Variants in ZFPM2 observed in about 807,000 individuals in gnomAD.
The protein encoded by ZFPM2 is zinc finger protein ZFPM2.
In ZFPM2, 20 loss-of-function variants were observed where a neutral mutation model predicts 98.6. The ratio of observed to expected loss-of-function variants is 0.20; its 90% CI spans 0.14 to 0.29. The LOEUF (loss-of-function observed/expected upper bound fraction) is 0.29, where lower values mean the gene tolerates loss of function less well. ZFPM2 is among the 10% of genes least tolerant of loss of function. The pLI is 1.00. For missense variants in ZFPM2, 1,310 were observed against 1,388.6 expected, an observed-to-expected ratio of 0.94 and a Z score of 0.90; for synonymous variants, 518 against 502.7, an observed-to-expected ratio of 1.03 and a Z score of -0.41.
intron 6 of ZFPM2, among the ~76,000 whole-genome samples, chr8:105,792,074 T>G (rs1813631648): frequency 6.6e-6 from 1 of 152,210 alleles, no homozygotes; most frequent in Non-Finnish European, 1.5e-5. Context: ...AAGGGTTTTT[T>G]GTGTCTCTAT....
chr8:105,537,975 C>T (rs556689763), intron 3 of ZFPM2, among the ~76,000 whole-genome samples: 1 of 152,212 alleles, frequency 6.6e-6, no homozygotes, highest in African/African-American at 2.4e-5. Context: ...CATGATCCGC[C>T]TACCTCAGCC....
chr8:105,595,021 G>C (rs999481780), intron 4 of ZFPM2, among the ~76,000 whole-genome samples: 1 of 152,022 alleles, frequency 6.6e-6, no homozygotes, highest in Admixed American at 6.6e-5. Context: ...GCTAACTTAG[G>C]CAAAAACAGA....
At chr8:105,325,821 G>T (rs1479270327) in intron 1 of ZFPM2, among the ~76,000 whole-genome samples, 1 of 151,700 alleles carries the variant, frequency 6.6e-6, no homozygotes, top group East Asian at 1.9e-4. Flanking sequence ...GTCTAGTCAG[G>T]ATTATTTAAA....
intron 1 of ZFPM2, among the ~76,000 whole-genome samples, chr8:105,330,595 CAT>C (rs10550161): frequency 0.36 from 31,553 of 86,868 alleles, 5,161 homozygotes; most frequent in East Asian, 0.48. Context: ...TATATATATA[CAT>C]ATATATATAT....
chr8:105,618,608 T>A (rs1469094484), intron 4 of ZFPM2, among the ~76,000 whole-genome samples: 1 of 152,200 alleles, frequency 6.6e-6, no homozygotes, highest in Non-Finnish European at 1.5e-5. Flanking sequence ...AGCATTTGCT[T>A]ACATGGAATA....
intron 3 of ZFPM2, among the ~76,000 whole-genome samples, chr8:105,477,588 G>T (rs114650943): frequency 5.7e-4 from 86 of 152,022 alleles, no homozygotes; most frequent in African/African-American, 2.0e-3. Context: ...TCCACCATAA[G>T]ATTTACCAAA....
chr8:105,512,993 A>G (rs187353198), intron 3 of ZFPM2, among the ~76,000 whole-genome samples: 1 of 152,028 alleles, frequency 6.6e-6, no homozygotes, highest in African/African-American at 2.4e-5. Flanking sequence ...CTTTAAAGGT[A>G]TTATTCTAGT....
At chr8:105,371,800 G>T (rs188539290) in intron 1 of ZFPM2, among the ~76,000 whole-genome samples, 5 of 152,086 alleles carry the variant, frequency 3.3e-5, no homozygotes, top group African/African-American at 9.6e-5. Flanking sequence ...GACATTATTA[G>T]GATGATTGGC....
intron 1 of ZFPM2, among the ~76,000 whole-genome samples, chr8:105,409,225 G>A (rs1811527633): frequency 1.3e-5 from 2 of 151,842 alleles, no homozygotes; most frequent in African/African-American, 4.8e-5. Context: ...CAAACAGCAT[G>A]CCATAATTTT....
chr8:105,370,918 ACAG>A (rs1284606767), intron 1 of ZFPM2, among the ~76,000 whole-genome samples: 1 of 152,222 alleles, frequency 6.6e-6, no homozygotes, highest in Non-Finnish European at 1.5e-5. Context: ...GTGTGTACAC[ACAG>A]CAGCAGTTGT....
rs567143474 is a variant in ZFPM2, at chr8:105,778,646, T to G, written c.533-10072T>G. ...CATTAACTAAGTGCTTGTCATCAGT[T>G]GACCATCTTTTTCCATGGTATGTGG... On this transcript the variant is annotated intron_variant, in intron 5 of 7. Transcript: ENST00000407775. Among the ~76,000 whole-genome samples the G allele has an allele frequency of 7.2e-4, 110 of 152,308 alleles. 1 individual carries two copies. The highest frequency in any genetic ancestry group is 1.2e-3 in the Non-Finnish European group (82 of 68,036).
chr8:105,552,865 G>A (rs1462985357), intron 3 of ZFPM2, among the ~76,000 whole-genome samples: 3 of 148,252 alleles, frequency 2.0e-5, no homozygotes, highest in African/African-American at 7.5e-5. Flanking sequence ...CACCCAGGCT[G>A]GAGTGCAGTG....
chr8:105,448,950 T>A (rs777851374), intron 3 of ZFPM2, among the ~76,000 whole-genome samples: 1 of 152,018 alleles, frequency 6.6e-6, no homozygotes, highest in Non-Finnish European at 1.5e-5. Context: ...TCCCTGGCGA[T>A]CTTAAGAACC....
intron 5 of ZFPM2, among the ~76,000 whole-genome samples, chr8:105,775,585 A>T (rs553266787): frequency 1.3e-5 from 2 of 152,260 alleles, no homozygotes; most frequent in South Asian, 4.1e-4. Context: ...ATTAGTTGAT[A>T]AATGCTTTTG....
intron 4 of ZFPM2, among the ~76,000 whole-genome samples, chr8:105,624,861 C>T (rs1402816080): frequency 6.6e-6 from 1 of 152,146 alleles, no homozygotes; most frequent in African/African-American, 2.4e-5. Context: ...AACTGTCTGA[C>T]ATAAGGAGTA....
intron 5 of ZFPM2, among the ~76,000 whole-genome samples, chr8:105,720,938 T>C (rs906443565): frequency 6.6e-6 from 1 of 151,940 alleles, no homozygotes; most frequent in Admixed American, 6.6e-5. Context: ...CTTGGGCCTT[T>C]CGTTGTGTAA....
intron 5 of ZFPM2, among the ~76,000 whole-genome samples, chr8:105,785,930 T>C (rs1813401984): frequency 6.7e-6 from 1 of 150,160 alleles, no homozygotes. Context: ...TAGTCCCAGC[T>C]ACTCGGGAGG....
intron 5 of ZFPM2, among the ~76,000 whole-genome samples, chr8:105,743,157 T>A (rs886267249): frequency 5.9e-5 from 9 of 151,530 alleles, no homozygotes; most frequent in African/African-American, 2.2e-4. Flanking sequence ...TTCATAAGAG[T>A]AAAGTCAGCA....
intron 5 of ZFPM2, among the ~76,000 whole-genome samples, chr8:105,710,698 TGTGTATGTGTGTGTGGGGGG>T (rs1387130940): frequency 1.4e-5 from 2 of 145,012 alleles, no homozygotes; most frequent in African/African-American, 5.3e-5. Context: ...TGTGTGTGTG[TGTGTATGTGTGTGTGGGGGG>T]GTGTATGTGT....
Sources: allele counts gnomAD v4.1 joint callset (sites outside exome capture counted in the v4.1 genomes callset), GRCh38; gene constraint gnomAD v4.1.1; transcripts MANE v1.5; gene names NCBI Gene and HGNC (gene_info 2026-07-23, HGNC 2026-07-21).